The following DSP variants were observed in gnomAD, a reference collection of about 807,000 sequenced individuals.
The protein encoded by DSP is desmoplakin.
Under a neutral mutation model 290.6 loss-of-function variants are expected in DSP, and 114 were observed. The observed-to-expected ratio is 0.39, with a 90% confidence interval of 0.34 to 0.46. DSP has a LOEUF of 0.46. Among genes scored for constraint, DSP ranks in the 20% least tolerant of loss-of-function variants. DSP has a pLI of 0.99. For missense variants in DSP, 3,230 were observed against 3,495.8 expected (o/e 0.92, Z 1.92); for synonymous variants, 1,311 against 1,316.4 (o/e 1.00, Z 0.09).
At chr6:7,544,701 A>T (rs1204457194) in intron 1 of DSP, among the ~76,000 whole-genome samples, 1 of 150,744 alleles carries the variant, frequency 6.6e-6, no homozygotes, top group Non-Finnish European at 1.5e-5. Flanking sequence ...ACTTTAAAAC[A>T]TCTCTCTCTC....
In DSP at chr6:7,569,321, G is replaced by T. The variant is rs2113675699; in HGVS notation, c.1555G>T (p.Ala519Ser). The change falls in exon 12 of 24, where the codon GCC (alanine) becomes TCC (serine). Residue 519 changes from alanine (A) to serine (S), a missense_variant. Ala to Ser is a moderately conservative substitution (Grantham distance 99). Coordinates refer to ENST00000379802, the MANE Select transcript of DSP (RefSeq NM_004415.4). The part of the protein sequence containing the change: ...GLIIPPPNPL[A>S]VDLSCKIEQY... ...GATCATCCCTCCTCCGAACCCACTG[G>T]CCGTGGACCTCTCTTGCAAGTAAGT... The T allele has an allele frequency of 1.2e-6, 2 of 1,614,140 alleles. No homozygotes were observed. Among genetic ancestry groups the T allele is most frequent in the Non-Finnish European group, 1.7e-6 (2 of 1,180,032 alleles).
At position 7,582,182 on chromosome 6, in the gene DSP, T is replaced by C. The variant is rs986573203; in HGVS notation, c.5380-460T>C. On this transcript the variant is annotated intron_variant, in intron 23 of 23. Coordinates refer to ENST00000379802, the MANE Select transcript of DSP (RefSeq NM_004415.4). The surrounding 1 kb of genome is among the most constrained non-coding windows in gnomAD (Gnocchi z 4.2). ...TGTGTGTGTGTATATCTATATATTA[T>C]ATATATAATTATATAATTACATAAT... Among the ~76,000 whole-genome samples, 1 of 146,850 alleles carries C rather than the reference T, an allele frequency of 6.8e-6. No homozygotes were observed. Among genetic ancestry groups the C allele is most frequent in the African/African-American group, 2.5e-5 (1 of 40,522 alleles).
chr6:7,572,942 C>T (rs530947954), intron 15 of DSP, among the ~76,000 whole-genome samples: 6 of 152,100 alleles, frequency 3.9e-5, no homozygotes, highest in East Asian at 1.9e-4. Flanking sequence ...ATCTAAACGT[C>T]GAAAAGATAC....
chr6:7,574,585 G>C, intron 16 of DSP, 72 bp from the exon 17 acceptor site: 1 of 1,597,866 alleles, frequency 6.3e-7, no homozygotes. Context: ...TTCATTACTA[G>C]CTGTGAGAGG....
intron 4 of DSP, among the ~76,000 whole-genome samples, chr6:7,561,221 G>A (rs752146242): frequency 4.6e-5 from 7 of 152,146 alleles, no homozygotes; most frequent in Admixed American, 2.0e-4. Context: ...CAAAGTATTG[G>A]GTTTACAGGT....
At chr6:7,578,585 G>A (rs767301461) in intron 22 of DSP, 23 bp downstream of exon 22, 6 of 1,574,454 alleles carry the variant, frequency 3.8e-6, no homozygotes, top group South Asian at 1.1e-5. Context: ...GTCTTTTCTT[G>A]TAGCGTCAAA....
At position 7,541,696 on chromosome 6, in the gene DSP, G is replaced by A. The variant is rs952417309; in HGVS notation, c.-220G>A. On this transcript the variant is annotated 5_prime_UTR_variant, in exon 1 of 24. Transcript: ENST00000379802. ...CCTCTGCGCCCTTGCCGCCCTCCGA[G>A]CCACAGCTTTCCTCCCGCTCCTGCC... The A allele has an allele frequency of 5.1e-6, 3 of 585,420 alleles. No homozygotes were observed. The highest frequency in any genetic ancestry group is 4.4e-5 in the South Asian group (2 of 45,094). The allele number at this position is 585,420 out of a possible 1,614,324, so 36.3% of individuals were successfully genotyped here.
chr6:7,547,400 A>G (rs1388101811), intron 1 of DSP, among the ~76,000 whole-genome samples: 1 of 151,900 alleles, frequency 6.6e-6, no homozygotes, highest in Admixed American at 6.6e-5. Flanking sequence ...AAACAGATCA[A>G]AGGTTCTGCT....
chr6:7,575,076 T>C (rs571181129), intron 17 of DSP, among the ~76,000 whole-genome samples: 38 of 152,326 alleles, frequency 2.5e-4, no homozygotes, highest in African/African-American at 8.7e-4. Flanking sequence ...TATGTTCATA[T>C]TATTATTATA....
In DSP at chr6:7,580,158, A is replaced by G. The variant is rs971198843; in HGVS notation, c.3968A>G (p.Lys1323Arg). The stretch of plus-strand genomic sequence containing the variant: ...GAGGCTGCCAAGACCATTCAGGACA[A>G]AAATAAGGAGATCGAGAGACTCAAA... Reference protein sequence around the residue: ...LEEAAKTIQDKNKEIERLKAE... With the variant: ...LEEAAKTIQDRNKEIERLKAE... Residue 1323 changes from lysine to arginine, a missense_variant, in exon 23 of 24, where the codon AAA becomes AGA. Coordinates refer to ENST00000379802, the MANE Select transcript of DSP (RefSeq NM_004415.4). The surrounding 1 kb of genome is among the most constrained non-coding windows in gnomAD (Gnocchi z 4.2). 6.2e-6 allele frequency: 10 copies of G among 1,614,126 alleles called. No individual in the cohort carries two copies. Among genetic ancestry groups the G allele is most frequent in the Non-Finnish European group, 7.6e-6 (9 of 1,180,012 alleles).
intron 1 of DSP, among the ~76,000 whole-genome samples, chr6:7,544,055 A>G (rs7764163): frequency 0.34 from 52,281 of 151,972 alleles, 9,079 homozygotes; most frequent in Middle Eastern, 0.4. Flanking sequence ...GTGAAAAATT[A>G]CCTGACTTTG....
Position 7,565,827 on chromosome 6 carries a change from A to G in DSP, c.939+307A>G. ...CACACACTGGGGCCTTTCGGAGGGC[A>G]GAGGGTGGAGGTGGAAGGAGGGAGA... On this transcript the variant is annotated intron_variant, in intron 7 of 23. Transcript: ENST00000379802. The surrounding 1 kb of genome is among the most constrained non-coding windows in gnomAD (Gnocchi z 4.2). 2.4e-6 allele frequency: 1 copy of G among 412,664 alleles called. No individual in the cohort carries two copies. 25.6% of individuals were successfully genotyped at this position (412,664 alleles called of 1,614,324 possible).
At chr6:7,555,865 C>T (rs1422435611) in intron 2 of DSP, 45 bp downstream of exon 2, 2 of 1,567,984 alleles carry the variant, frequency 1.3e-6, no homozygotes, top group Admixed American at 1.7e-5. Flanking sequence ...GCCTTGGCCA[C>T]ACCCGACTGT....
At chr6:7,578,197 C>T (rs1219982861) in intron 21 of DSP, among the ~76,000 whole-genome samples, 2 of 152,174 alleles carry the variant, frequency 1.3e-5, no homozygotes, top group Admixed American at 1.3e-4. Flanking sequence ...ACAGAAATTT[C>T]TAAAAGACAG....
rs930342643 is a variant in DSP at position 7,569,238 on chromosome 6, G to A, written c.1472G>A (p.Ser491Asn). The A allele has an allele frequency of 1.2e-6, 2 of 1,614,210 alleles. No individual in the cohort carries two copies. The highest frequency in any genetic ancestry group is 2.2e-5 in the East Asian group (1 of 44,882). The change falls in exon 12 of 24, where the codon AGC (serine) becomes AAC (asparagine). Residue 491 changes from serine to asparagine, a missense_variant. Physicochemically the swap from Ser to Asn is conservative, Grantham distance 46. This residue lies in a region of DSP where 646 missense variants were observed against 684.3 expected (regional missense o/e 0.94). Coordinates refer to ENST00000379802, the MANE Select transcript of DSP (RefSeq NM_004415.4). ...ECILKDNNERSKWYVTGPGGV... is the reference protein window; with the variant it reads ...ECILKDNNERNKWYVTGPGGV... Reference sequence around the variant, plus strand: ...ATCCTGAAGGACAACAACGAGCGCAGCAAGTGGTACGTGACGGGCCCGGGA... The same window carrying A: ...ATCCTGAAGGACAACAACGAGCGCAACAAGTGGTACGTGACGGGCCCGGGA...
At position 7,577,903 on chromosome 6, in the gene DSP, A is replaced by G. The variant is rs1428746654; in HGVS notation, c.2985+17A>G. 1.9e-6 allele frequency: 3 copies of G among 1,599,400 alleles called. No homozygotes were observed. Among genetic ancestry groups the G allele is most frequent in the Non-Finnish European group, 2.6e-6 (3 of 1,167,320 alleles). ...CTGCAAGAGGTATATATGTCATCACATATCTCTTAAAACCTGCCCCTCCTT... is the reference window on the plus strand; with the variant it reads ...CTGCAAGAGGTATATATGTCATCACGTATCTCTTAAAACCTGCCCCTCCTT... On this transcript the variant is annotated intron_variant, in intron 21 of 23. Coordinates refer to ENST00000379802, the MANE Select transcript of DSP (RefSeq NM_004415.4).
intron 1 of DSP, among the ~76,000 whole-genome samples, chr6:7,544,531 T>A (rs1046011212): frequency 1.3e-4 from 20 of 151,818 alleles, no homozygotes; most frequent in African/African-American, 4.4e-4. Context: ...TAAAAACTAT[T>A]GGTTGACTTT....
chr6:7,551,383 T>G (rs1411643551), intron 1 of DSP, among the ~76,000 whole-genome samples: 1 of 152,172 alleles, frequency 6.6e-6, no homozygotes. Context: ...TCCCAGCACT[T>G]TGGGAGGCCA....
intron 12 of DSP, 38 bp from the exon 13 acceptor site, chr6:7,570,399 A>C (rs1759006373): frequency 1.2e-6 from 2 of 1,613,894 alleles, no homozygotes; most frequent in African/African-American, 2.7e-5. Context: ...GAAGTGTGAA[A>C]GCCTGGCTCT....
Sources: allele counts gnomAD v4.1 joint callset (sites outside exome capture counted in the v4.1 genomes callset), GRCh38; gene constraint gnomAD v4.1.1; regional missense constraint gnomAD v4.1.1; non-coding constraint Gnocchi (gnomAD v3.1); transcripts MANE v1.5; gene names NCBI Gene and HGNC (gene_info 2026-07-23, HGNC 2026-07-21).